The following UNC13B variants were observed in gnomAD, a reference collection of about 807,000 sequenced individuals.
The protein encoded by UNC13B is protein unc-13 homolog B.
Under a neutral mutation model 211.0 loss-of-function variants are expected in UNC13B, and 144 were observed. That is an observed-to-expected ratio of 0.68 (90% CI 0.60 to 0.78). The LOEUF is 0.78. UNC13B is among the 30% of genes least tolerant of loss of function. UNC13B has a pLI of 0.00. For missense variants in UNC13B, 1,777 were observed against 2,002.0 expected (o/e 0.89, Z 2.14); for synonymous variants, 709 against 725.8 (o/e 0.98, Z 0.37).
chr9:35,405,327 C>T lies in UNC13B; in HGVS notation c.*1294C>T, dbSNP rs1239310498. The T allele has an allele frequency of 6.6e-6, 1 of 152,604 alleles. No individual in the cohort carries two copies. The highest frequency in any genetic ancestry group is 1.5e-5 in the Non-Finnish European group (1 of 68,040). The allele number at this position is 152,604 out of a possible 1,614,324, so 9.5% of individuals were successfully genotyped here. ...TATAGGCTAGTCTGTAATAAATTAT[C>T]TTATAGCAGCCTTTGGGGTTTGGTA... On this transcript the variant is annotated 3_prime_UTR_variant, in exon 40 of 40. Transcript: ENST00000635942.
intron 7 of UNC13B, among the ~76,000 whole-genome samples, chr9:35,262,708 A>G (rs1256997111): frequency 6.6e-6 from 1 of 152,126 alleles, no homozygotes; most frequent in Non-Finnish European, 1.5e-5. Context: ...AGACGGGTGG[A>G]TCACTTGAGC....
intron 1 of UNC13B, among the ~76,000 whole-genome samples, chr9:35,194,903 C>T (rs1822852630): frequency 6.6e-6 from 1 of 152,132 alleles, no homozygotes; most frequent in African/African-American, 2.4e-5. Flanking sequence ...GAAAGGAAAA[C>T]AGCTCTCTCT....
chr9:35,322,233 G>T (rs1830773021), intron 11 of UNC13B, among the ~76,000 whole-genome samples: 2 of 152,202 alleles, frequency 1.3e-5, no homozygotes, highest in South Asian at 4.1e-4. Context: ...AGGCAGTAAT[G>T]TTGGTAGTGT....
chr9:35,313,351 G>T (rs1047555999), intron 10 of UNC13B, among the ~76,000 whole-genome samples: 2 of 152,160 alleles, frequency 1.3e-5, no homozygotes, highest in East Asian at 1.9e-4. Flanking sequence ...CAGATGAGGC[G>T]CAGTGGCTCA....
rs1564122598 is a variant in UNC13B at position 35,301,569 on chromosome 9, T to C, written c.2165T>C (p.Met722Thr). ...SDEETTGWFQ[M>T]PTSENLLSSQ... is the part of the protein sequence containing the mutation. ...GAAGAAACTACGGGCTGGTTCCAGATGCCCACAAGTGAGAATTTGTTGTCC... is the reference window on the plus strand; with the variant it reads ...GAAGAAACTACGGGCTGGTTCCAGACGCCCACAAGTGAGAATTTGTTGTCC... Residue 722 changes from methionine (M) to threonine (T), a missense_variant, in exon 9 of 40, where the codon ATG (methionine) becomes ACG (threonine). Coordinates refer to ENST00000635942, the MANE Select transcript of UNC13B (RefSeq NM_001371189.2). 3.5e-5 allele frequency: 14 copies of C among 398,910 alleles called. No individual in the cohort carries two copies. In the East Asian group the frequency reaches 5.0e-4, roughly 14 times the overall value. 24.7% of individuals were successfully genotyped at this position (398,910 alleles called of 1,614,324 possible). A position where few individuals can be genotyped will look rare whatever the true frequency, so the allele number is the denominator to read the frequency against.
intron 4 of UNC13B, among the ~76,000 whole-genome samples, chr9:35,237,024 T>C (rs994867015): frequency 6.6e-6 from 1 of 152,160 alleles, no homozygotes; most frequent in South Asian, 2.1e-4. Flanking sequence ...AGTGCCCTTC[T>C]TCTGCATGTA....
In UNC13B at chr9:35,295,934, G is replaced by C; in HGVS notation, c.761+4G>C. On this transcript the variant is annotated splice_donor_region_variant and intron_variant, in intron 8 of 39. Coordinates refer to ENST00000635942, the MANE Select transcript of UNC13B (RefSeq NM_001371189.2). The stretch of plus-strand genomic sequence containing the variant: ...ATCCAGAGCGGCGGGCTATCAGGTG[G>C]GTATTGAGCACAAAGTACTTTCTCT... 3 of 1,595,244 alleles carry C rather than the reference G, an allele frequency of 1.9e-6. No individual in the cohort carries two copies. Among genetic ancestry groups the C allele is most frequent in the Non-Finnish European group, 2.6e-6 (3 of 1,170,076 alleles).
chr9:35,333,492 G>T (rs1329488894), intron 11 of UNC13B, among the ~76,000 whole-genome samples: 1 of 152,164 alleles, frequency 6.6e-6, no homozygotes, highest in Non-Finnish European at 1.5e-5. Flanking sequence ...GTAGAGCAGG[G>T]CATGGTGTGT....
intron 11 of UNC13B, among the ~76,000 whole-genome samples, chr9:35,316,536 A>T (rs193294825): frequency 3.4e-3 from 512 of 152,328 alleles, no homozygotes; most frequent in Middle Eastern, 0.017. Context: ...TATCAGAAAC[A>T]ATGTTACTGA....
chr9:35,378,348 T>C lies in UNC13B; in HGVS notation c.10117T>C (p.Tyr3373His), dbSNP rs1834583674. ...GGACAAAACAGGATCCAGTGACCCTTACGTGACTGTGCAAGTCAGCAAAAC... is the reference window on the plus strand; with the variant it reads ...GGACAAAACAGGATCCAGTGACCCTCACGTGACTGTGCAAGTCAGCAAAAC... Reference protein sequence around the residue: ...AKDKTGSSDPYVTVQVSKTKK... With the variant: ...AKDKTGSSDPHVTVQVSKTKK... Residue 3373 changes from tyrosine to histidine, a missense_variant, in exon 17 of 40, where the codon TAC becomes CAC. Tyr to His is a moderately conservative substitution (Grantham distance 83, BLOSUM62 2). Coordinates refer to ENST00000635942, the MANE Select transcript of UNC13B (RefSeq NM_001371189.2). 1 of 1,614,042 alleles carries C rather than the reference T, an allele frequency of 6.2e-7. No homozygotes were observed. The highest frequency in any genetic ancestry group is 1.3e-5 in the African/African-American group (1 of 74,914).
intron 11 of UNC13B, among the ~76,000 whole-genome samples, chr9:35,317,449 G>A (rs1356606321): frequency 4.6e-5 from 7 of 150,922 alleles, no homozygotes; most frequent in South Asian, 2.1e-4. Flanking sequence ...GAGCTCAAGC[G>A]ATCCTCCTAT....
intron 11 of UNC13B, among the ~76,000 whole-genome samples, chr9:35,322,209 T>G (rs1830771367): frequency 6.6e-6 from 1 of 152,184 alleles, no homozygotes; most frequent in South Asian, 2.1e-4. Flanking sequence ...TTGATGACAT[T>G]GCTATTGCTG....
chr9:35,241,558 C>G (rs1332802963), intron 5 of UNC13B, among the ~76,000 whole-genome samples: 1 of 2,202 alleles, frequency 4.5e-4, no homozygotes, highest in Non-Finnish European at 1.3e-3. Flanking sequence ...TGAATATAAG[C>G]ACACACACAC....
intron 11 of UNC13B, among the ~76,000 whole-genome samples, chr9:35,333,816 G>A (rs1831498833): frequency 6.6e-6 from 1 of 152,202 alleles, no homozygotes; most frequent in African/African-American, 2.4e-5. Flanking sequence ...GCTGAAGGCT[G>A]CCGTCTGACT....
chr9:35,232,177 C>CCTTTTTTT (rs1825241825), intron 3 of UNC13B, among the ~76,000 whole-genome samples: 1 of 31,536 alleles, frequency 3.2e-5, no homozygotes, highest in African/African-American at 1.2e-4. Flanking sequence ...TATATTGCTG[C>CCTTTTTTT]TTTTTTTTTT....
At chr9:35,239,675 T>G (rs574870793) in intron 5 of UNC13B, among the ~76,000 whole-genome samples, 52 of 152,250 alleles carry the variant, frequency 3.4e-4, no homozygotes, top group African/African-American at 9.4e-4. Context: ...ATCCCTTATC[T>G]ACAACCGTAA....
chr9:35,239,523 T>A (rs1825693120), intron 5 of UNC13B, among the ~76,000 whole-genome samples: 1 of 152,136 alleles, frequency 6.6e-6, no homozygotes, highest in African/African-American at 2.4e-5. Flanking sequence ...CTAATGAAGT[T>A]TCGGGCATGC....
intron 11 of UNC13B, among the ~76,000 whole-genome samples, chr9:35,339,130 C>CA (rs1831835576): frequency 6.6e-6 from 1 of 152,160 alleles, no homozygotes; most frequent in African/African-American, 2.4e-5. Context: ...AAGATCCCTG[C>CA]AAGGATTTAA....
chr9:35,187,141 G>T (rs1220957798), intron 1 of UNC13B, among the ~76,000 whole-genome samples: 1 of 152,174 alleles, frequency 6.6e-6, no homozygotes, highest in African/African-American at 2.4e-5. Context: ...AGCAATTCCT[G>T]CAAGTGTGGT....
Sources: allele counts gnomAD v4.1 joint callset (sites outside exome capture counted in the v4.1 genomes callset), GRCh38; gene constraint gnomAD v4.1.1; transcripts MANE v1.5; gene names NCBI Gene and HGNC (gene_info 2026-07-23, HGNC 2026-07-21).